Variants in EIF3E observed in about 807,000 individuals in gnomAD.
EIF3E encodes eukaryotic translation initiation factor 3 subunit E.
Under a neutral mutation model 59.3 loss-of-function variants are expected in EIF3E, and 25 were observed. That is an observed-to-expected ratio of 0.42 (90% CI 0.31 to 0.59). The LOEUF is 0.59. Among genes scored for constraint, EIF3E ranks in the 20% least tolerant of loss-of-function variants. The probability of loss-of-function intolerance (pLI) is 0.15; values close to 1 mark genes in which losing one functional copy is unlikely to be tolerated. For missense variants in EIF3E, 317 were observed against 534.3 expected, an observed-to-expected ratio of 0.59 and a Z score of 4.01; for synonymous variants, 176 against 170.2, an observed-to-expected ratio of 1.03 and a Z score of -0.26.
In EIF3E at chr8:108,229,308, C is replaced by T. The variant is rs558997945; in HGVS notation, c.472-113G>A. 6 of 1,063,856 alleles carry T rather than the reference C, an allele frequency of 5.6e-6. No individual in the cohort carries two copies. In the African/African-American group the frequency reaches 9.7e-5, roughly 17 times the overall value. The allele number at this position is 1,063,856 out of a possible 1,614,324, so 65.9% of individuals were successfully genotyped here. On this transcript the variant is annotated intron_variant, in intron 5 of 12. Coordinates refer to ENST00000220849, the MANE Select transcript of EIF3E (RefSeq NM_001568.3). ...CTACTAAAAGACCTATAGCTTTCTACAAAAAACTGTAATTATCTAAGTCCT... is the reference window on the plus strand; with the variant it reads ...CTACTAAAAGACCTATAGCTTTCTATAAAAAACTGTAATTATCTAAGTCCT...
chr8:108,222,785 T>C (rs564647631), intron 7 of EIF3E, among the ~76,000 whole-genome samples: 1 of 151,996 alleles, frequency 6.6e-6, no homozygotes, highest in East Asian at 1.9e-4. Context: ...AGCTGTGTAA[T>C]AGCAGGCTAT....
At position 108,248,685 on chromosome 8, in the gene EIF3E, C is replaced by G. The variant is rs752447454; in HGVS notation, c.18G>C (p.Leu6Phe). 1 of 1,614,188 alleles carries G rather than the reference C, an allele frequency of 6.2e-7. No homozygotes were observed. Among genetic ancestry groups the G allele is most frequent in the Non-Finnish European group, 8.5e-7 (1 of 1,180,024 alleles). The change falls in exon 1 of 13, where the codon TTG becomes TTC. Residue 6 changes from leucine to phenylalanine, a missense_variant. Around this residue, in one of 4 missense-constraint regions of EIF3E, gnomAD observed 30 missense variants for 22.2 expected, o/e 1.35. Transcript: ENST00000220849. The stretch of plus-strand genomic sequence containing the variant: ...CCAAAAAGTGCGCGATGCGAGTAGT[C>G]AAGTCGTACTCCGCCATCTTGCCAA... MAEYD[L>F]TTRIAHFLDR...
chr8:108,223,044 C>T (rs1815448769), intron 7 of EIF3E, among the ~76,000 whole-genome samples: 1 of 151,990 alleles, frequency 6.6e-6, no homozygotes, highest in Non-Finnish European at 1.5e-5. Context: ...ATTAAAAATA[C>T]TTAAGTATCT....
chr8:108,216,357 C>T (rs1428854259), intron 9 of EIF3E, 55 bp downstream of exon 9: 41 of 1,330,910 alleles, frequency 3.1e-5, no homozygotes, highest in Middle Eastern at 2.0e-4. Flanking sequence ...ATTAACGTTA[C>T]AATATCCAAA....
At chr8:108,204,920 T>C (rs888653512) in intron 10 of EIF3E, among the ~76,000 whole-genome samples, 1 of 152,014 alleles carries the variant, frequency 6.6e-6, no homozygotes. Flanking sequence ...TATGATCAGG[T>C]TGAAGAGGGC....
intron 7 of EIF3E, among the ~76,000 whole-genome samples, chr8:108,222,709 A>G (rs1402717187): frequency 6.6e-6 from 1 of 152,172 alleles, no homozygotes. Context: ...AGCATGTACA[A>G]TACCACTGTA....
intron 2 of EIF3E, 139 bp from the exon 3 acceptor site, chr8:108,240,214 G>A (rs767212192): frequency 1.4e-6 from 1 of 726,952 alleles, no homozygotes; most frequent in Admixed American, 2.1e-5. Context: ...ATATGCCATG[G>A]GCTACTCAGT....
At chr8:108,205,384 T>G (rs1405034816) in intron 10 of EIF3E, among the ~76,000 whole-genome samples, 1 of 152,154 alleles carries the variant, frequency 6.6e-6, no homozygotes, top group African/African-American at 2.4e-5. Flanking sequence ...ACTACCCTAG[T>G]CCAGGCTCCA....
At chr8:108,248,533 G>A (rs764847341) in intron 1 of EIF3E, 80 bp downstream of exon 1, 2 of 1,425,496 alleles carry the variant, frequency 1.4e-6, no homozygotes, top group East Asian at 2.3e-5. Flanking sequence ...GTCAGGCCTA[G>A]GACTACAGAC....
At chr8:108,237,255 T>C (rs1038312081) in intron 3 of EIF3E, among the ~76,000 whole-genome samples, 4 of 152,180 alleles carry the variant, frequency 2.6e-5, no homozygotes. Flanking sequence ...AGCATTTTTG[T>C]TGTTACTGTT....
chr8:108,217,096 T>C (rs1037794487), intron 8 of EIF3E, among the ~76,000 whole-genome samples: 2 of 152,152 alleles, frequency 1.3e-5, no homozygotes, highest in African/African-American at 2.4e-5. Context: ...AATGTATATA[T>C]TAAGTGTTCA....
intron 3 of EIF3E, among the ~76,000 whole-genome samples, chr8:108,238,646 T>C (rs1019700673): frequency 2.0e-5 from 3 of 152,162 alleles, no homozygotes; most frequent in African/African-American, 7.2e-5. Flanking sequence ...TGTCACAGTA[T>C]GGTATGGTAT....
intron 6 of EIF3E, among the ~76,000 whole-genome samples, chr8:108,228,728 G>C (rs1484431440): frequency 6.6e-6 from 1 of 152,096 alleles, no homozygotes; most frequent in Non-Finnish European, 1.5e-5. Context: ...GGTTTAATTA[G>C]ATAATTGTAG....
At chr8:108,219,594 G>A (rs1217380039) in intron 7 of EIF3E, among the ~76,000 whole-genome samples, 2 of 152,048 alleles carry the variant, frequency 1.3e-5, no homozygotes, top group East Asian at 1.9e-4. Context: ...ATGTAAAAAC[G>A]GCCAGGTGCC....
chr8:108,234,611 T>C (rs967784516), intron 5 of EIF3E: 12 of 153,710 alleles, frequency 7.8e-5, no homozygotes, highest in African/African-American at 2.2e-4. Flanking sequence ...TATATATATA[T>C]ATGATAAAGT....
chr8:108,239,420 T>C (rs1399430258), intron 3 of EIF3E, among the ~76,000 whole-genome samples: 1 of 152,206 alleles, frequency 6.6e-6, no homozygotes, highest in African/African-American at 2.4e-5. Context: ...CAGGCTGGTC[T>C]CAAACTCCTA....
chr8:108,217,604 G>T (rs78948636), intron 7 of EIF3E, 144 bp from the exon 8 acceptor site: 1 of 616,028 alleles, frequency 1.6e-6, no homozygotes, highest in East Asian at 3.4e-5. Context: ...TCTCCTCCAA[G>T]GAAATTTAAA....
intron 7 of EIF3E, among the ~76,000 whole-genome samples, chr8:108,224,392 T>C (rs1244797099): frequency 6.6e-6 from 1 of 151,428 alleles, no homozygotes; most frequent in African/African-American, 2.5e-5. Flanking sequence ...ATTATAGATA[T>C]ACAAATGCAA....
At chr8:108,231,834 T>C (rs1267458686) in intron 5 of EIF3E, 2 of 151,580 alleles carry the variant, frequency 1.3e-5, no homozygotes, top group Admixed American at 6.6e-5. Flanking sequence ...TATTCTAAAA[T>C]CCACGAGTCT....
Sources: gnomAD v4.1 joint callset for allele counts (sites outside exome capture counted in the v4.1 genomes callset) on GRCh38, gnomAD v4.1.1 for gene constraint, gnomAD v4.1.1 regional missense constraint, MANE v1.5 for transcripts, NCBI Gene and HGNC (gene_info 2026-07-23, HGNC 2026-07-21) for gene names.